The following BMPR1A variants were observed in gnomAD, a reference collection of about 807,000 sequenced individuals.
The protein encoded by BMPR1A is bone morphogenetic protein receptor type-1A.
BMPR1A carries 7 observed loss-of-function variants against 66.0 expected under a neutral mutation model. The observed-to-expected ratio is 0.11, with a 90% CI of 0.06 to 0.20. BMPR1A has a LOEUF of 0.20. Ranked by LOEUF, BMPR1A falls within the 10% of genes least tolerant of loss-of-function variation. BMPR1A has a pLI of 1.00. For missense variants in BMPR1A, 408 were observed against 669.1 expected, an observed-to-expected ratio of 0.61 and a Z score of 4.31; for synonymous variants, 200 against 229.7, an observed-to-expected ratio of 0.87 and a Z score of 1.17.
intron 1 of BMPR1A, among the ~76,000 whole-genome samples, chr10:86,800,609 T>C (rs983347620): frequency 6.6e-6 from 1 of 152,198 alleles, no homozygotes; most frequent in African/African-American, 2.4e-5. Flanking sequence ...GCCAGGTTGG[T>C]CTTGAACTCC....
rs1253298157 is a variant in BMPR1A, at chr10:86,925,681, C to T, written c.*1962C>T. The T allele has an allele frequency of 5.7e-6, 1 of 174,606 alleles. No individual in the cohort carries two copies. Among genetic ancestry groups the T allele is most frequent in the Non-Finnish European group, 1.2e-5 (1 of 83,902 alleles). The allele number at this position is 174,606 out of a possible 1,614,324, so 10.8% of individuals were successfully genotyped here. A position where few individuals can be genotyped will look rare whatever the true frequency, so the allele number is the denominator to read the frequency against. On this transcript the variant is annotated 3_prime_UTR_variant, in exon 13 of 13. Coordinates refer to ENST00000372037, the MANE Select transcript of BMPR1A (RefSeq NM_004329.3). Reference sequence around the variant, plus strand: ...CCCAATTTACTTAAATCTTGGTTTACTTTTGACTTGATACCATAATCTTTA... The same window carrying T: ...CCCAATTTACTTAAATCTTGGTTTATTTTTGACTTGATACCATAATCTTTA...
chr10:86,798,266 A>T (rs1299696743), intron 1 of BMPR1A, among the ~76,000 whole-genome samples: 4 of 152,178 alleles, frequency 2.6e-5, no homozygotes, highest in Non-Finnish European at 5.9e-5. Context: ...AAAACCAAGT[A>T]ATTAGACCAT....
intron 1 of BMPR1A, among the ~76,000 whole-genome samples, chr10:86,836,430 G>A (rs1009088836): frequency 2.6e-5 from 4 of 152,058 alleles, no homozygotes; most frequent in African/African-American, 9.7e-5. Context: ...GATTTTCCTT[G>A]GCTGGTCTAT....
chr10:86,873,233 A>G (rs539842769), intron 2 of BMPR1A, among the ~76,000 whole-genome samples: 147 of 152,260 alleles, frequency 9.7e-4, no homozygotes, highest in Non-Finnish European at 1.6e-3. Context: ...TCCTTGCAGC[A>G]GGAACAACCA....
intron 8 of BMPR1A, among the ~76,000 whole-genome samples, chr10:86,914,697 CTG>C (rs999130470): frequency 1.3e-5 from 2 of 152,108 alleles, no homozygotes; most frequent in African/African-American, 4.8e-5. Context: ...ATAGCTAAGA[CTG>C]ATAATATTAA....
chr10:86,781,403 A>G (rs777822556), intron 1 of BMPR1A, among the ~76,000 whole-genome samples: 5 of 152,126 alleles, frequency 3.3e-5, no homozygotes, highest in Non-Finnish European at 7.4e-5. Flanking sequence ...TCTGTTTTTA[A>G]TGCTGCACCA....
At chr10:86,806,522 G>A (rs1330563096) in intron 1 of BMPR1A, among the ~76,000 whole-genome samples, 6 of 152,220 alleles carry the variant, frequency 3.9e-5, no homozygotes, top group Non-Finnish European at 7.3e-5. Context: ...ACTATGGAGT[G>A]ATAGACTCCA....
chr10:86,814,777 T>C (rs1361901098), intron 1 of BMPR1A, among the ~76,000 whole-genome samples: 1 of 152,086 alleles, frequency 6.6e-6, no homozygotes, highest in Non-Finnish European at 1.5e-5. Flanking sequence ...ATTCCTTCAC[T>C]GTTTTTTTTT....
intron 5 of BMPR1A, among the ~76,000 whole-genome samples, chr10:86,892,609 T>C (rs896862957): frequency 6.6e-6 from 1 of 152,092 alleles, no homozygotes; most frequent in Admixed American, 6.6e-5. Context: ...TTGTATTTTT[T>C]GTAGAGACAA....
At chr10:86,879,903 A>G (rs1346724769) in intron 3 of BMPR1A, among the ~76,000 whole-genome samples, 1 of 152,204 alleles carries the variant, frequency 6.6e-6, no homozygotes, top group African/African-American at 2.4e-5. Context: ...CATGTAGATT[A>G]ATGATGCTTA....
intron 1 of BMPR1A, among the ~76,000 whole-genome samples, chr10:86,794,857 T>G (rs1347793933): frequency 6.7e-6 from 1 of 149,138 alleles, no homozygotes; most frequent in African/African-American, 2.5e-5. Flanking sequence ...TAGATATAGT[T>G]TTTTTTTTTT....
rs189182025 is a variant in BMPR1A, at chr10:86,771,287, T to G, written c.-268+14368T>G. Among the ~76,000 whole-genome samples the G allele has an allele frequency of 4.4e-4, 67 of 152,368 alleles. 2 individuals carry two copies. In the East Asian group the frequency reaches 0.012, roughly 27 times the overall value. On this transcript the variant is annotated intron_variant, in intron 1 of 12. Coordinates refer to ENST00000372037, the MANE Select transcript of BMPR1A (RefSeq NM_004329.3). The stretch of plus-strand genomic sequence containing the variant: ...TTTATTTTTACTTAGTGTTTGAGAT[T>G]TTGAATTTTAGAAAGTTTTAAATTA...
At chr10:86,887,894 G>A (rs971562753) in intron 3 of BMPR1A, among the ~76,000 whole-genome samples, 5 of 152,236 alleles carry the variant, frequency 3.3e-5, no homozygotes, top group South Asian at 2.1e-4. Flanking sequence ...TAGGTAAAGC[G>A]GGGTAGGCCC....
In BMPR1A at chr10:86,924,816, T is replaced by A. The variant is rs1843717386; in HGVS notation, c.*1097T>A. 4.3e-6 allele frequency: 1 copy of A among 232,620 alleles called. No individual in the cohort carries two copies. Among genetic ancestry groups the A allele is most frequent in the African/African-American group, 2.2e-5 (1 of 45,330 alleles). 14.4% of individuals were successfully genotyped at this position (232,620 alleles called of 1,614,324 possible). On this transcript the variant is annotated 3_prime_UTR_variant, in exon 13 of 13. Coordinates refer to ENST00000372037, the MANE Select transcript of BMPR1A (RefSeq NM_004329.3). Reference sequence around the variant, plus strand: ...GAAACCAGCTCATGTGTACCTCATATCCCATCCTTAAGAGAAGAAATGTTA... The same window carrying A: ...GAAACCAGCTCATGTGTACCTCATAACCCATCCTTAAGAGAAGAAATGTTA...
chr10:86,869,045 C>T (rs1050797147), intron 2 of BMPR1A, among the ~76,000 whole-genome samples: 1 of 152,118 alleles, frequency 6.6e-6, no homozygotes, highest in African/African-American at 2.4e-5. Context: ...CAAATATCTG[C>T]ATCTCCTTAT....
intron 1 of BMPR1A, among the ~76,000 whole-genome samples, chr10:86,781,805 C>T (rs1841440612): frequency 1.4e-5 from 2 of 147,788 alleles, no homozygotes; most frequent in Non-Finnish European, 3.0e-5. Flanking sequence ...GCGTATTTCA[C>T]TTAGCATAAA....
At chr10:86,762,373 T>C (rs1418832810) in intron 1 of BMPR1A, among the ~76,000 whole-genome samples, 4 of 152,316 alleles carry the variant, frequency 2.6e-5, no homozygotes, top group Middle Eastern at 3.4e-3. Flanking sequence ...TTTTCTTTCT[T>C]TTTGAGACGG....
intron 2 of BMPR1A, among the ~76,000 whole-genome samples, chr10:86,860,883 C>G (rs1842704269): frequency 6.7e-6 from 1 of 149,580 alleles, no homozygotes; most frequent in African/African-American, 2.5e-5. Context: ...GCTCTGCCGC[C>G]CAGGCTGGAG....
chr10:86,921,613 C>G lies in BMPR1A; in HGVS notation c.1260C>G (p.Asn420Lys), dbSNP rs876660798. 6.2e-7 allele frequency: 1 copy of G among 1,614,066 alleles called. No individual in the cohort carries two copies. Among genetic ancestry groups the G allele is most frequent in the Non-Finnish European group, 8.5e-7 (1 of 1,180,036 alleles). Reference sequence around the variant, plus strand: ...TGCTGGACGAAAGCCTGAACAAAAACCACTTCCAGCCCTACATCATGGCTG... The same window carrying G: ...TGCTGGACGAAAGCCTGAACAAAAAGCACTTCCAGCCCTACATCATGGCTG... ...PEVLDESLNK[N>K]HFQPYIMADI... The change falls in exon 11 of 13, where the codon AAC becomes AAG. Residue 420 changes from asparagine to lysine, a missense_variant. Physicochemically the swap from Asn to Lys is moderately conservative, Grantham distance 94. Around this residue, in one of 5 missense-constraint regions of BMPR1A, gnomAD observed 130 missense variants for 257.3 expected, o/e 0.51. Coordinates refer to ENST00000372037, the MANE Select transcript of BMPR1A (RefSeq NM_004329.3).
Sources: gnomAD v4.1 joint callset for allele counts (sites outside exome capture counted in the v4.1 genomes callset) on GRCh38, gnomAD v4.1.1 for gene constraint, gnomAD v4.1.1 regional missense constraint, MANE v1.5 for transcripts, NCBI Gene and HGNC (gene_info 2026-07-23, HGNC 2026-07-21) for gene names.